The following RANBP2 variants were observed in gnomAD, a reference collection of about 807,000 sequenced individuals.
RANBP2 encodes RAN binding protein 2, also known as E3 SUMO-protein ligase RanBP2.
A neutral mutation model predicts 303.6 loss-of-function variants in RANBP2; 57 were observed. The ratio of observed to expected loss-of-function variants is 0.19; its 90% CI spans 0.15 to 0.23. The LOEUF (loss-of-function observed/expected upper bound fraction) is 0.23, where lower values mean the gene tolerates loss of function less well. RANBP2 is among the 10% of genes least tolerant of loss of function. RANBP2 has a pLI of 1.00. For missense variants in RANBP2, 3,138 were observed against 3,780.8 expected (o/e 0.83, Z 4.46); for synonymous variants, 1,167 against 1,301.5 (o/e 0.90, Z 2.23).
At chr2:109,178,774 G>T in the RANBP2 span, among the ~76,000 whole-genome samples, 5 of 152,064 alleles carry the variant, frequency 3.3e-5, no homozygotes, top group Non-Finnish European at 7.4e-5. Context: ...ATTAGATTTC[G>T]TAGGTGTCTC....
the RANBP2 span, chr2:109,542,871 G>A: frequency 6.9e-4 from 105 of 152,464 alleles, 1 homozygote; most frequent in African/African-American, 2.5e-3. Context: ...AGACTAATAA[G>A]TTTCATTGTC....
chr2:109,349,085 C>T, the RANBP2 span, among the ~76,000 whole-genome samples: 4 of 152,074 alleles, frequency 2.6e-5, no homozygotes, highest in East Asian at 1.9e-4. Context: ...AATTCTAACT[C>T]GAATCTCTGC....
the RANBP2 span, among the ~76,000 whole-genome samples, chr2:109,467,912 C>A: frequency 6.6e-6 from 1 of 152,214 alleles, no homozygotes; most frequent in African/African-American, 2.4e-5. Flanking sequence ...TGCACCAACA[C>A]CCCAGGGCGC....
the RANBP2 span, among the ~76,000 whole-genome samples, chr2:109,009,519 CGTTTGTTT>C: frequency 6.6e-6 from 1 of 151,524 alleles, no homozygotes; most frequent in African/African-American, 2.4e-5. Context: ...TTTTTTGTTG[CGTTTGTTT>C]GTTTGTTTTG....
chr2:109,697,485 TAAA>T, the RANBP2 span, among the ~76,000 whole-genome samples: 3 of 139,334 alleles, frequency 2.2e-5, no homozygotes, highest in Admixed American at 7.2e-5. Context: ...AACTCTGTCT[TAAA>T]AAAAAAAAAA....
chr2:109,184,340 A>G, the RANBP2 span, among the ~76,000 whole-genome samples: 1 of 152,242 alleles, frequency 6.6e-6, no homozygotes, highest in African/African-American at 2.4e-5. Context: ...TAAGACGTTT[A>G]TCGCACAAAG....
the RANBP2 span, among the ~76,000 whole-genome samples, chr2:108,848,617 A>C: frequency 6.6e-6 from 1 of 152,208 alleles, no homozygotes. Flanking sequence ...AAATTCTAAT[A>C]TAGTTTGCGT....
chr2:109,544,797 G>C, the RANBP2 span: 1 of 769,506 alleles, frequency 1.3e-6, no homozygotes, highest in African/African-American at 1.9e-5. Context: ...AAAAATAATT[G>C]CATGCCTACT....
intron 20 of RANBP2, among the ~76,000 whole-genome samples, 192 bp downstream of exon 20, chr2:108,768,580 T>A (rs2949959): frequency 5.3e-5 from 8 of 152,346 alleles, no homozygotes; most frequent in South Asian, 2.1e-4. Flanking sequence ...GAACTTAGTT[T>A]AAGACATTTC....
At chr2:109,695,351 A>G in the RANBP2 span, among the ~76,000 whole-genome samples, 102 of 151,958 alleles carry the variant, frequency 6.7e-4, no homozygotes, top group South Asian at 2.5e-3. Context: ...ATAATTTTCA[A>G]CTCTACCCTG....
At chr2:108,800,608 C>CTTT in the RANBP2 span, among the ~76,000 whole-genome samples, 2 of 33,490 alleles carry the variant, frequency 6.0e-5, no homozygotes, top group Non-Finnish European at 9.6e-5. Context: ...CTCAGTTTAG[C>CTTT]TTTTTTTTTT....
the RANBP2 span, among the ~76,000 whole-genome samples, chr2:109,719,915 A>T: frequency 6.6e-6 from 1 of 152,086 alleles, no homozygotes; most frequent in Non-Finnish European, 1.5e-5. Context: ...CTTGACCAAC[A>T]TTTATGTAGA....
At chr2:109,216,837 G>A in the RANBP2 span, among the ~76,000 whole-genome samples, 1 of 152,194 alleles carries the variant, frequency 6.6e-6, no homozygotes, top group African/African-American at 2.4e-5. Flanking sequence ...AAACAGTTCA[G>A]TGGCATTAAG....
intron 1 of RANBP2, among the ~76,000 whole-genome samples, chr2:108,723,283 C>G (rs1055395916): frequency 3.5e-5 from 5 of 142,032 alleles, no homozygotes; most frequent in Non-Finnish European, 7.7e-5. Context: ...ATTTTCTTTT[C>G]TTTTTTTTTT....
At chr2:108,761,585 C>T (rs866786286) in intron 18 of RANBP2, among the ~76,000 whole-genome samples, 7 of 152,186 alleles carry the variant, frequency 4.6e-5, no homozygotes, top group Middle Eastern at 3.4e-3. Flanking sequence ...AGCCAGGGAA[C>T]ACATTTTATG....
the RANBP2 span, among the ~76,000 whole-genome samples, chr2:109,319,821 A>C: frequency 2.0e-5 from 3 of 152,086 alleles, no homozygotes. Context: ...AAACAAAGGC[A>C]CCTCTGTCCC....
chr2:108,728,078 C>T (rs1413019404), intron 1 of RANBP2, among the ~76,000 whole-genome samples: 1 of 152,156 alleles, frequency 6.6e-6, no homozygotes, highest in African/African-American at 2.4e-5. Context: ...TCCTCAGTGC[C>T]TTAATAGATC....
the RANBP2 span, among the ~76,000 whole-genome samples, chr2:109,414,453 C>T: frequency 1.3e-5 from 2 of 152,092 alleles, no homozygotes; most frequent in South Asian, 2.1e-4. Context: ...AAACCTGGCC[C>T]CTGTTACCAT....
chr2:109,609,720 G>A, the RANBP2 span, among the ~76,000 whole-genome samples: 9 of 151,900 alleles, frequency 5.9e-5, no homozygotes, highest in Non-Finnish European at 8.8e-5. Flanking sequence ...TATCCTCACT[G>A]AAGAAAAACT....
Sources: gnomAD v4.1 joint callset for allele counts (sites outside exome capture counted in the v4.1 genomes callset) on GRCh38, gnomAD v4.1.1 for gene constraint, MANE v1.5 for transcripts, NCBI Gene and HGNC (gene_info 2026-07-23, HGNC 2026-07-21) for gene names.